P2RX5: variants seen among roughly 807,000 people sequenced by gnomAD.
The protein encoded by P2RX5 is P2X purinoceptor 5.
A neutral mutation model predicts 54.1 loss-of-function variants in P2RX5; 46 were observed. That is an observed-to-expected ratio of 0.85 (90% CI 0.67 to 1.09). The LOEUF (loss-of-function observed/expected upper bound fraction) is 1.09. P2RX5 is among the 50% of genes least tolerant of loss of function. The pLI, the probability that P2RX5 is intolerant of heterozygous loss-of-function variation, is 0.00. For missense variants in P2RX5, 566 were observed against 549.8 expected (o/e 1.03, Z -0.29); for synonymous variants, 226 against 226.4 (o/e 1.00, Z 0.02).
At chr17:3,689,957 C>T in intron 6 of P2RX5, 113 bp downstream of exon 6, 1 of 958,462 alleles carries the variant, frequency 1.0e-6, no homozygotes, top group Non-Finnish European at 1.7e-6. Flanking sequence ...CACACGCACA[C>T]ACGTGCACAC....
At chr17:3,702,985 C>A in the P2RX5 span, among the ~76,000 whole-genome samples, 1 of 152,158 alleles carries the variant, frequency 6.6e-6, no homozygotes, top group East Asian at 1.9e-4. Context: ...CCAAATGTAT[C>A]CAGTAAAAGC....
chr17:3,695,132 A>C (rs942482850), intron 1 of P2RX5, among the ~76,000 whole-genome samples: 26 of 152,254 alleles, frequency 1.7e-4, no homozygotes, highest in African/African-American at 5.8e-4. Context: ...GCGCATCCCC[A>C]TTGTCCAGCG....
chr17:3,707,759 T>A, the P2RX5 span, among the ~76,000 whole-genome samples: 1 of 151,928 alleles, frequency 6.6e-6, no homozygotes, highest in Non-Finnish European at 1.5e-5. Context: ...TCCTAGGAGA[T>A]GGTTAACCAG....
intron 5 of P2RX5, 38 bp downstream of exon 5, chr17:3,690,389 G>A: frequency 6.6e-7 from 1 of 1,508,536 alleles, no homozygotes; most frequent in Non-Finnish European, 9.1e-7. Context: ...GCACGGGGCT[G>A]GGAAACCCCT....
chr17:3,703,678 C>T, the P2RX5 span, among the ~76,000 whole-genome samples: 5 of 152,274 alleles, frequency 3.3e-5, no homozygotes, highest in African/African-American at 7.2e-5. Context: ...TCTGAAGACA[C>T]GTGGGTTCTC....
At chr17:3,674,844 G>A (rs1029550666) in intron 11 of P2RX5, among the ~76,000 whole-genome samples, 4 of 152,220 alleles carry the variant, frequency 2.6e-5, no homozygotes, top group East Asian at 1.9e-4. Flanking sequence ...TGACCTCTCC[G>A]ACACCCCATT....
chr17:3,713,904 T>C, the P2RX5 span, among the ~76,000 whole-genome samples: 2 of 152,024 alleles, frequency 1.3e-5, no homozygotes, highest in Non-Finnish European at 2.9e-5. Flanking sequence ...GAAAAATTGA[T>C]ACTTAAGAAT....
chr17:3,714,306 C>T, the P2RX5 span, among the ~76,000 whole-genome samples: 2 of 151,982 alleles, frequency 1.3e-5, no homozygotes, highest in African/African-American at 4.8e-5. Context: ...CGGCTCACTG[C>T]AACCTCCGCC....
the P2RX5 span, chr17:3,723,772 G>C: frequency 3.1e-6 from 5 of 1,603,494 alleles, no homozygotes; most frequent in Admixed American, 6.9e-5. Flanking sequence ...ACCGCGACGC[G>C]CTGAACAAAC....
chr17:3,718,981 C>T, the P2RX5 span, among the ~76,000 whole-genome samples: 1 of 152,020 alleles, frequency 6.6e-6, no homozygotes, highest in African/African-American at 2.4e-5. Context: ...CCTGTAATCC[C>T]AGCACTTTGG....
At chr17:3,685,076 C>T (rs1037648046) in intron 9 of P2RX5, among the ~76,000 whole-genome samples, 5 of 152,012 alleles carry the variant, frequency 3.3e-5, no homozygotes, top group African/African-American at 9.7e-5. Context: ...GAACTCACAA[C>T]CTCAGGTGAT....
At chr17:3,678,089 G>A in intron 11 of P2RX5, 1 of 985,444 alleles carries the variant, frequency 1.0e-6, no homozygotes. Context: ...CATCTCCACT[G>A]TCTGCAGCTG....
chr17:3,684,127 C>T (rs929118634), intron 9 of P2RX5, among the ~76,000 whole-genome samples: 5 of 152,264 alleles, frequency 3.3e-5, no homozygotes, highest in Admixed American at 1.3e-4. Context: ...TGTGTCTCCT[C>T]CCCTGTGAGC....
the P2RX5 span, chr17:3,723,272 T>C: frequency 1.9e-6 from 3 of 1,549,940 alleles, no homozygotes; most frequent in Admixed American, 1.7e-5. Flanking sequence ...ATCTGGAGCA[T>C]TTCAGTCTCA....
intron 11 of P2RX5, chr17:3,677,121 G>C: frequency 1.0e-6 from 1 of 985,430 alleles, no homozygotes; most frequent in Non-Finnish European, 1.2e-6. Context: ...AGCAGCTGAG[G>C]GTGCGGTAGG....
chr17:3,679,555 C>T, intron 11 of P2RX5, 35 bp downstream of exon 11: 1 of 1,596,674 alleles, frequency 6.3e-7, no homozygotes, highest in Non-Finnish European at 8.5e-7. Flanking sequence ...CTGCAGGACC[C>T]AGCTGTCGGG....
At chr17:3,709,098 C>T in the P2RX5 span, among the ~76,000 whole-genome samples, 1 of 152,084 alleles carries the variant, frequency 6.6e-6, no homozygotes, top group African/African-American at 2.4e-5. Flanking sequence ...ATTACAGGCG[C>T]CTGCCACAAC....
At position 3,681,920 on chromosome 17, in the gene P2RX5, C is replaced by T. The variant is rs375712547; in HGVS notation, c.1040G>A (p.Arg347His). 242 of 1,613,656 alleles carry T rather than the reference C, an allele frequency of 1.5e-4. 3 individuals carry two copies. In the South Asian group the frequency reaches 1.6e-3, roughly 11 times the overall value. The stretch of plus-strand genomic sequence containing the variant: ...CCTCACTTCCTCGTACTTCTTGTCA[C>T]GGTAAAACTCTCTCTTTTTGATGAG... ...IYLIKKREFYRDKKYEEVRGL... is the reference protein window; with the variant it reads ...IYLIKKREFYHDKKYEEVRGL... The change falls in exon 10 of 12, where the codon CGT (arginine) becomes CAT (histidine). Residue 347 changes from arginine to histidine, a missense_variant. Transcript: ENST00000225328.
intron 11 of P2RX5, 96 bp from the exon 12 acceptor site, chr17:3,673,973 C>T (rs1280615949): frequency 1.8e-6 from 2 of 1,139,472 alleles, no homozygotes; most frequent in Non-Finnish European, 2.6e-6. Context: ...CTTCCCAAGT[C>T]TGAAAAGAGC....
Sources: allele counts gnomAD v4.1 joint callset (sites outside exome capture counted in the v4.1 genomes callset), GRCh38; gene constraint gnomAD v4.1.1; transcripts MANE v1.5; gene names NCBI Gene and HGNC (gene_info 2026-07-23, HGNC 2026-07-21).